TGFA: variants seen among roughly 807,000 people sequenced by gnomAD.
The protein encoded by TGFA is protransforming growth factor alpha.
Under a neutral mutation model 21.7 loss-of-function variants are expected in TGFA, and 12 were observed. The observed-to-expected ratio is 0.55, with a 90% CI of 0.35 to 0.90. The LOEUF is 0.90. Ranked by LOEUF, TGFA falls within the 40% of genes least tolerant of loss-of-function variation. TGFA has a pLI of 0.01. For synonymous variants in TGFA, 79 were observed against 88.1 expected (o/e 0.90, Z 0.58); for missense variants, 178 against 210.8 (o/e 0.84, Z 0.96).
intron 2 of TGFA, among the ~76,000 whole-genome samples, chr2:70,514,118 C>T (rs1051771753): frequency 6.6e-6 from 1 of 152,166 alleles, no homozygotes; most frequent in Admixed American, 6.5e-5. Context: ...TTAAATCACC[C>T]ATGTTCACTT....
At chr2:70,492,549 C>T (rs1671466113) in intron 2 of TGFA, among the ~76,000 whole-genome samples, 1 of 152,322 alleles carries the variant, frequency 6.6e-6, no homozygotes, top group African/African-American at 2.4e-5. Flanking sequence ...ATGCTCTCTG[C>T]TGGTTGGCAC....
At chr2:70,453,158 G>T in intron 5 of TGFA, 60 bp downstream of exon 5, 1 of 1,452,574 alleles carries the variant, frequency 6.9e-7, no homozygotes, top group Non-Finnish European at 9.6e-7. Context: ...GCCCTGACTT[G>T]GAGAAGGTGG....
chr2:70,501,256 ATT>A (rs34066419), intron 2 of TGFA, among the ~76,000 whole-genome samples: 9,192 of 144,780 alleles, frequency 0.063, 331 homozygotes, highest in Middle Eastern at 0.11. Context: ...TTTGCTTGCA[ATT>A]TTTTTTTTTT....
intron 4 of TGFA, among the ~76,000 whole-genome samples, chr2:70,454,049 G>A (rs557283680): frequency 6.6e-6 from 1 of 151,884 alleles, no homozygotes; most frequent in East Asian, 1.9e-4. Context: ...AGCACTGAGT[G>A]AGAGATGAGT....
At chr2:70,508,830 A>G (rs1225613412) in intron 2 of TGFA, among the ~76,000 whole-genome samples, 1 of 152,230 alleles carries the variant, frequency 6.6e-6, no homozygotes, top group Non-Finnish European at 1.5e-5. Context: ...CGGAGGTTCA[A>G]GAAGATTTAA....
chr2:70,551,475 C>T (rs918652507), intron 1 of TGFA, among the ~76,000 whole-genome samples: 3 of 152,298 alleles, frequency 2.0e-5, no homozygotes, highest in South Asian at 2.1e-4. Flanking sequence ...ACTAGCCCCA[C>T]GGAGGTTTCC....
Position 70,488,309 on chromosome 2 carries a change from T to C in TGFA, c.95-22573A>G, listed in dbSNP as rs538508162. 5.9e-5 allele frequency among the ~76,000 whole-genome samples: 9 copies of C among 152,356 alleles called. No homozygotes were observed. In the South Asian group the frequency reaches 1.9e-3, roughly 32 times the overall value. On this transcript the variant is annotated intron_variant, in intron 2 of 5. Transcript: ENST00000295400. ...TCCCTTTCTTAAGATTATATAAATA[T>C]TTACCTACACTTCCTTCCATTATTT...
At chr2:70,469,642 C>T (rs113471522) in intron 2 of TGFA, among the ~76,000 whole-genome samples, 1,829 of 152,298 alleles carry the variant, frequency 0.012, 38 homozygotes, top group African/African-American at 0.042. Flanking sequence ...TGGCCCCCTG[C>T]AGGTGATCCT....
intron 3 of TGFA, among the ~76,000 whole-genome samples, chr2:70,465,375 C>T (rs1553492005): frequency 6.6e-6 from 1 of 152,062 alleles, no homozygotes; most frequent in Non-Finnish European, 1.5e-5. Context: ...AATGCAGGGC[C>T]CCAGGCTTGA....
chr2:70,501,739 T>C (rs1553499190), intron 2 of TGFA, among the ~76,000 whole-genome samples: 1 of 152,236 alleles, frequency 6.6e-6, no homozygotes, highest in Non-Finnish European at 1.5e-5. Flanking sequence ...TATACATTTC[T>C]AACCTGTACT....
intron 1 of TGFA, among the ~76,000 whole-genome samples, chr2:70,534,580 T>C (rs1328964966): frequency 6.6e-6 from 1 of 152,218 alleles, no homozygotes; most frequent in African/African-American, 2.4e-5. Flanking sequence ...CACCAATGAA[T>C]TTATTATTAG....
At chr2:70,526,334 A>G (rs1672633796) in intron 1 of TGFA, among the ~76,000 whole-genome samples, 1 of 152,230 alleles carries the variant, frequency 6.6e-6, no homozygotes, top group African/African-American at 2.4e-5. Context: ...TGGGGTTCCA[A>G]TGAGACTCGG....
At chr2:70,550,302 T>C (rs1162103262) in intron 1 of TGFA, among the ~76,000 whole-genome samples, 1 of 152,162 alleles carries the variant, frequency 6.6e-6, no homozygotes. Context: ...ATAGCTTCCA[T>C]ATTTACCATC....
rs557605583 is a variant in TGFA at position 70,473,361 on chromosome 2, G to C, written c.95-7625C>G. ...CTGCCCAGAGAGACTTGGTGAGCAG[G>C]GATCCTGCTCCCCTGGGCAGGTGGG... is the stretch of plus-strand genomic sequence containing the variant. On this transcript the variant is annotated intron_variant, in intron 2 of 5. Transcript: ENST00000295400. 2.0e-4 allele frequency among the ~76,000 whole-genome samples: 30 copies of C among 152,044 alleles called. No individual in the cohort carries two copies. In the South Asian group the frequency reaches 6.1e-3, roughly 31 times the overall value.
intron 2 of TGFA, among the ~76,000 whole-genome samples, chr2:70,470,891 C>T (rs541148122): frequency 1.3e-5 from 2 of 152,226 alleles, no homozygotes; most frequent in Admixed American, 6.5e-5. Flanking sequence ...GATACATTCA[C>T]TCTTGAAACT....
At chr2:70,509,511 T>C (rs1672028416) in intron 2 of TGFA, among the ~76,000 whole-genome samples, 1 of 152,170 alleles carries the variant, frequency 6.6e-6, no homozygotes, top group Admixed American at 6.5e-5. Context: ...TCCCCATGAA[T>C]AATCGCACTG....
intron 1 of TGFA, among the ~76,000 whole-genome samples, chr2:70,539,730 C>G (rs1673083818): frequency 6.6e-6 from 1 of 152,190 alleles, no homozygotes; most frequent in Non-Finnish European, 1.5e-5. Context: ...GCTGGGATTA[C>G]AGGTATGAGA....
At chr2:70,520,800 A>G (rs928507062) in intron 1 of TGFA, among the ~76,000 whole-genome samples, 9 of 151,796 alleles carry the variant, frequency 5.9e-5, no homozygotes, top group Non-Finnish European at 1.0e-4. Flanking sequence ...CCCAAACACT[A>G]TCTCCAACCT....
Position 70,447,873 on chromosome 2 carries a change from G to A in TGFA, c.*2986C>T, listed in dbSNP as rs1669928956. On this transcript the variant is annotated 3_prime_UTR_variant, in exon 6 of 6. Transcript: ENST00000295400. ...CAGGGGTCTCCTGAGCAGTGTTAGA[G>A]CCTCATTAGTCCATCCCGGCCAAAT... The A allele has an allele frequency of 6.6e-6, 1 of 152,198 alleles. No homozygotes were observed. The highest frequency in any genetic ancestry group is 1.5e-5 in the Non-Finnish European group (1 of 68,054). The allele number at this position is 152,198 out of a possible 1,614,324, so 9.4% of individuals were successfully genotyped here. A position where few individuals can be genotyped will look rare whatever the true frequency, so the allele number is the denominator to read the frequency against.
Sources: allele counts gnomAD v4.1 joint callset (sites outside exome capture counted in the v4.1 genomes callset), GRCh38; gene constraint gnomAD v4.1.1; transcripts MANE v1.5; gene names NCBI Gene and HGNC (gene_info 2026-07-23, HGNC 2026-07-21).